MARVELD3: variants seen among roughly 807,000 people sequenced by gnomAD.
MARVELD3 encodes the protein MARVEL domain containing 3, also known as MARVEL domain-containing protein 3.
Under a neutral mutation model 33.5 loss-of-function variants are expected in MARVELD3, and 28 were observed. The observed-to-expected ratio is 0.84, with a 90% CI of 0.62 to 1.15. The LOEUF is 1.15. Among genes scored for constraint, MARVELD3 ranks in the 50% most tolerant of loss-of-function variants. The pLI is 0.00. For synonymous variants in MARVELD3, 241 were observed against 230.4 expected (o/e 1.05, Z -0.42); for missense variants, 582 against 547.6 (o/e 1.06, Z -0.63).
Position 71,634,995 on chromosome 16 carries a change from C to T in MARVELD3, c.*192C>T. 7.3e-7 allele frequency: 1 copy of T among 1,365,426 alleles called. No homozygotes were observed. Among genetic ancestry groups the T allele is most frequent in the Non-Finnish European group, 9.4e-7 (1 of 1,060,628 alleles). 84.6% of individuals were successfully genotyped at this position (1,365,426 alleles called of 1,614,324 possible). On this transcript the variant is annotated 3_prime_UTR_variant, in exon 3 of 3. Transcript: ENST00000268485. Reference sequence around the variant, plus strand: ...TGCAACAGACCCTGGCTTCTGGAGTCCTCTGTGAGTGAGGGACCAATCAAA... The same window carrying T: ...TGCAACAGACCCTGGCTTCTGGAGTTCTCTGTGAGTGAGGGACCAATCAAA...
chr16:71,635,582 G>A lies in MARVELD3; in HGVS notation c.*779G>A, dbSNP rs2044575732. ...TGATTGTCCCACTACACTCTAGCCT[G>A]AGCAACAGACCAAGACCGTATTGCC... On this transcript the variant is annotated 3_prime_UTR_variant, in exon 3 of 3. Transcript: ENST00000268485. The A allele has an allele frequency of 1.0e-6, 1 of 983,108 alleles. No homozygotes were observed. The highest frequency in any genetic ancestry group is 1.2e-6 in the Non-Finnish European group (1 of 828,456). 60.9% of individuals were successfully genotyped at this position (983,108 alleles called of 1,614,324 possible). A position where few individuals can be genotyped will look rare whatever the true frequency, so the allele number is the denominator to read the frequency against.
At chr16:71,640,922 G>A, downstream of MARVELD3, 1 of 1,614,108 alleles carries the variant, frequency 6.2e-7, no homozygotes, top group Non-Finnish European at 8.5e-7. Flanking sequence ...CCAGCGTGGT[G>A]CTGGCCCTGC....
rs1222639216 is a variant in MARVELD3, at chr16:71,635,735, C to T, written c.*932C>T. 1.0e-6 allele frequency: 1 copy of T among 985,250 alleles called. No individual in the cohort carries two copies. The highest frequency in any genetic ancestry group is 1.7e-5 in the African/African-American group (1 of 57,218). 61.0% of individuals were successfully genotyped at this position (985,250 alleles called of 1,614,324 possible). A position where few individuals can be genotyped will look rare whatever the true frequency, so the allele number is the denominator to read the frequency against. On this transcript the variant is annotated 3_prime_UTR_variant, in exon 3 of 3. Transcript: ENST00000268485. ...CACACGTTTTTCCACACTGAACTCT[C>T]CAGTCCTTCCACTTCCTTAATTCTG...
At chr16:71,640,718 C>T (rs1436341760), downstream of MARVELD3, 6 of 1,614,132 alleles carry the variant, frequency 3.7e-6, no homozygotes, top group Non-Finnish European at 5.1e-6. Flanking sequence ...CCTTCAGCCT[C>T]CTAGCGGCAG....
chr16:71,634,921 G>A lies in MARVELD3; in HGVS notation c.*118G>A, dbSNP rs1287989492. 8.1e-6 allele frequency: 12 copies of A among 1,474,214 alleles called. No homozygotes were observed. Among genetic ancestry groups the A allele is most frequent in the Admixed American group, 2.7e-5 (1 of 37,660 alleles). 91.3% of individuals were successfully genotyped at this position (1,474,214 alleles called of 1,614,324 possible). ...AGTGCTGGAAAAGCAGCGAGCCAGC[G>A]TTGGTGTGGTGGGCGGAGCTCCCAG... On this transcript the variant is annotated 3_prime_UTR_variant, in exon 3 of 3. Transcript: ENST00000268485.
downstream of MARVELD3, chr16:71,640,971 G>C: frequency 6.2e-7 from 1 of 1,613,616 alleles, no homozygotes; most frequent in South Asian, 1.1e-5. Context: ...AGGCAGCCGA[G>C]AACAGCCCGG....
At chr16:71,630,577 T>C (rs2044523656) in intron 2 of MARVELD3, among the ~76,000 whole-genome samples, 2 of 151,456 alleles carry the variant, frequency 1.3e-5, no homozygotes, top group African/African-American at 4.8e-5. Context: ...TGAGCCAAGA[T>C]TTCGCCATTG....
chr16:71,641,099 A>T, downstream of MARVELD3: 11 of 1,511,514 alleles, frequency 7.3e-6, no homozygotes, highest in Non-Finnish European at 9.8e-6. Flanking sequence ...ACTCCGCATT[A>T]GACAACTATG....
chr16:71,634,629 C>T lies in MARVELD3; in HGVS notation c.1032C>T (p.Tyr344=). 1 of 1,614,116 alleles carries T rather than the reference C, an allele frequency of 6.2e-7. No homozygotes were observed. Among genetic ancestry groups the T allele is most frequent in the Non-Finnish European group, 8.5e-7 (1 of 1,180,010 alleles). ...SPVCKERQAL[Y]QSKGYSGFGC... ...TGTGTAAAGAGAGGCAGGCGCTGTA[C>T]CAAAGCAAAGGCTACAGCGGTTTCG... Residue 344 remains tyrosine (Y), a synonymous_variant, in exon 3 of 3, where the codon TAC becomes TAT. Transcript: ENST00000268485.
At chr16:71,634,109 C>T in intron 2 of MARVELD3, 84 bp from the exon 3 acceptor site, 1 of 1,537,398 alleles carries the variant, frequency 6.5e-7, no homozygotes, top group Non-Finnish European at 8.7e-7. Flanking sequence ...GGTCTGAGCC[C>T]TGCGCGGAAG....
chr16:71,636,518 T>C (rs1184739817), downstream of MARVELD3: 1 of 152,198 alleles, frequency 6.6e-6, no homozygotes, highest in African/African-American at 2.4e-5. Flanking sequence ...AAGGCAGGTA[T>C]GGATATATAG....
chr16:71,626,268 G>T lies in MARVELD3; in HGVS notation c.39G>T (p.Arg13=). ...DPSGAREPRA[R]PRERDPGRRP... ...CGGGGGCTCGCGAGCCCCGGGCCCG[G>T]CCGAGAGAGCGGGACCCGGGACGGC... Residue 13 remains arginine, a synonymous_variant, in exon 1 of 3, where the codon CGG becomes CGT. Transcript: ENST00000268485. The surrounding 1 kb of genome is among the most constrained non-coding windows in gnomAD (Gnocchi z 5.3). The T allele has an allele frequency of 6.5e-7, 1 of 1,533,704 alleles. No individual in the cohort carries two copies. Among genetic ancestry groups the T allele is most frequent in the Non-Finnish European group, 8.8e-7 (1 of 1,139,998 alleles).
intron 1 of MARVELD3, among the ~76,000 whole-genome samples, chr16:71,627,034 G>C (rs375327431): frequency 3.3e-5 from 5 of 152,014 alleles, no homozygotes; most frequent in Non-Finnish European, 7.4e-5. Flanking sequence ...GCTCCTCCCC[G>C]GCCCGGCCCG....
downstream of MARVELD3, chr16:71,641,184 G>T (rs2044616961): frequency 2.2e-6 from 2 of 912,142 alleles, no homozygotes; most frequent in African/African-American, 3.4e-5. Context: ...CGGGCATGGT[G>T]GCTCATGCCT....
At chr16:71,631,388 T>C (rs2044530817) in intron 2 of MARVELD3, among the ~76,000 whole-genome samples, 1 of 152,238 alleles carries the variant, frequency 6.6e-6, no homozygotes, top group Non-Finnish European at 1.5e-5. Context: ...AGGCAATTGT[T>C]ACATTGCATG....
chr16:71,640,053 G>C (rs112085015), downstream of MARVELD3, among the ~76,000 whole-genome samples: 943 of 152,160 alleles, frequency 6.2e-3, 15 homozygotes, highest in African/African-American at 0.022. Context: ...TGGATCACTT[G>C]AGGTCAGGAG....
chr16:71,641,187 T>G, downstream of MARVELD3: 1 of 887,324 alleles, frequency 1.1e-6, no homozygotes. Flanking sequence ...GCATGGTGGC[T>G]CATGCCTGTA....
chr16:71,634,298 G>A lies in MARVELD3; in HGVS notation c.701G>A (p.Gly234Asp). ...GGYTGITSLGGIYYYQFGGAY... is the reference protein window; with the variant it reads ...GGYTGITSLGDIYYYQFGGAY... ...TACACGGGCATCACCAGCTTGGGGG[G>A]CATTTACTACTATCAGTTCGGAGGG... is the stretch of plus-strand genomic sequence containing the variant. Residue 234 changes from glycine to aspartate, a missense_variant, in exon 3 of 3, where the codon GGC (glycine) becomes GAC (aspartate). By Grantham distance (94) the Gly-to-Asp change is moderately conservative (BLOSUM62 -1). Coordinates refer to ENST00000268485, the MANE Select transcript of MARVELD3 (RefSeq NM_052858.6). The A allele has an allele frequency of 1.9e-6, 3 of 1,614,180 alleles. No homozygotes were observed. Among genetic ancestry groups the A allele is most frequent in the Non-Finnish European group, 2.5e-6 (3 of 1,180,038 alleles).
downstream of MARVELD3, among the ~76,000 whole-genome samples, chr16:71,639,952 A>G (rs920504525): frequency 1.3e-5 from 2 of 152,232 alleles, no homozygotes; most frequent in African/African-American, 4.8e-5. Context: ...AAAACAAAAC[A>G]AAAACAAAAA....
Sources: allele counts gnomAD v4.1 joint callset (sites outside exome capture counted in the v4.1 genomes callset), GRCh38; gene constraint gnomAD v4.1.1; non-coding constraint Gnocchi (gnomAD v3.1); transcripts MANE v1.5; gene names NCBI Gene and HGNC (gene_info 2026-07-23, HGNC 2026-07-21).